The following ZNF385D variants were observed in gnomAD, a reference collection of about 807,000 sequenced individuals.
ZNF385D encodes zinc finger protein 659.
In ZNF385D, 15 loss-of-function variants were observed where a neutral mutation model predicts 35.8. The observed-to-expected ratio is 0.42, with a 90% confidence interval of 0.28 to 0.64. ZNF385D has a LOEUF of 0.64. Ranked by LOEUF, ZNF385D falls within the 30% of genes least tolerant of loss-of-function variation. The pLI is 0.23. For missense variants in ZNF385D, 474 were observed against 494.6 expected, an observed-to-expected ratio of 0.96 and a Z score of 0.39; for synonymous variants, 212 against 186.8, an observed-to-expected ratio of 1.13 and a Z score of -1.10.
intron 1 of ZNF385D, among the ~76,000 whole-genome samples, chr3:21,705,980 A>C (rs1303719490): frequency 2.0e-5 from 3 of 152,188 alleles, no homozygotes; most frequent in Non-Finnish European, 4.4e-5. Flanking sequence ...TGACTCGATC[A>C]ATGATGGCAA....
At chr3:22,318,912 T>A (rs1223429153) in intron 2 of ZNF385D, among the ~76,000 whole-genome samples, 1 of 152,196 alleles carries the variant, frequency 6.6e-6, no homozygotes, top group Admixed American at 6.5e-5. Flanking sequence ...ATAAGAAATA[T>A]TCATAGGTTA....
At chr3:21,857,353 G>C (rs922764851) in intron 3 of ZNF385D, among the ~76,000 whole-genome samples, 1 of 152,100 alleles carries the variant, frequency 6.6e-6, no homozygotes, top group African/African-American at 2.4e-5. Context: ...CTCAGGCCTA[G>C]AACAGTGCCT....
intron 2 of ZNF385D, among the ~76,000 whole-genome samples, chr3:22,259,941 C>G (rs999509512): frequency 2.6e-5 from 4 of 151,834 alleles, no homozygotes; most frequent in Admixed American, 6.6e-5. Context: ...TTTCAATAAC[C>G]TCAAAATGTA....
At chr3:21,928,700 G>T (rs1226345956) in intron 3 of ZNF385D, among the ~76,000 whole-genome samples, 1 of 152,102 alleles carries the variant, frequency 6.6e-6, no homozygotes, top group African/African-American at 2.4e-5. Flanking sequence ...ATAAAGAAAC[G>T]TTATAACAGT....
chr3:21,437,670 A>G (rs185325502), intron 4 of ZNF385D, among the ~76,000 whole-genome samples: 1 of 128,178 alleles, frequency 7.8e-6, no homozygotes, highest in African/African-American at 2.9e-5. Context: ...TAATTAAAAA[A>G]CAGGTACAGA....
chr3:22,275,186 T>G (rs987872807), intron 2 of ZNF385D, among the ~76,000 whole-genome samples: 1 of 152,116 alleles, frequency 6.6e-6, no homozygotes, highest in African/African-American at 2.4e-5. Context: ...CTATTTTCCT[T>G]AAATGATCAC....
chr3:21,921,430 T>C (rs1372743523), intron 3 of ZNF385D, among the ~76,000 whole-genome samples: 2 of 152,140 alleles, frequency 1.3e-5, no homozygotes, highest in African/African-American at 2.4e-5. Context: ...TTCGTGCACC[T>C]ATGACAAGAT....
intron 2 of ZNF385D, among the ~76,000 whole-genome samples, chr3:22,191,445 C>A (rs1040812004): frequency 2.0e-5 from 3 of 150,388 alleles, no homozygotes; most frequent in Non-Finnish European, 4.4e-5. Context: ...CGAGATAGTA[C>A]CATTGCACTC....
At chr3:21,753,352 AC>A (rs1168070916), upstream of ZNF385D, among the ~76,000 whole-genome samples, 1 of 152,156 alleles carries the variant, frequency 6.6e-6, no homozygotes, top group African/African-American at 2.4e-5. Context: ...GGTAAAAGTC[AC>A]CCCCAATAAA....
At chr3:22,332,816 C>A (rs541020177) in intron 2 of ZNF385D, among the ~76,000 whole-genome samples, 1 of 151,858 alleles carries the variant, frequency 6.6e-6, no homozygotes, top group South Asian at 2.1e-4. Flanking sequence ...GGAAATAAAC[C>A]AGCCTATGAG....
At chr3:22,352,749 G>A (rs949233755) in intron 2 of ZNF385D, among the ~76,000 whole-genome samples, 2 of 152,036 alleles carry the variant, frequency 1.3e-5, no homozygotes, top group Non-Finnish European at 2.9e-5. Flanking sequence ...TAAAAATTTG[G>A]AGGCATACAT....
intron 2 of ZNF385D, among the ~76,000 whole-genome samples, chr3:22,252,278 A>G (rs1044489858): frequency 2.0e-5 from 3 of 152,014 alleles, no homozygotes; most frequent in South Asian, 4.1e-4. Flanking sequence ...TGGTCATTAG[A>G]TTTTATACCA....
At chr3:22,251,660 G>A (rs559272457) in intron 2 of ZNF385D, among the ~76,000 whole-genome samples, 67 of 152,120 alleles carry the variant, frequency 4.4e-4, no homozygotes, top group African/African-American at 1.5e-3. Flanking sequence ...GAACCAAAAT[G>A]TCTCCAACAT....
At chr3:21,828,743 A>G (rs567536976) in intron 3 of ZNF385D, among the ~76,000 whole-genome samples, 1 of 152,372 alleles carries the variant, frequency 6.6e-6, no homozygotes, top group African/African-American at 2.4e-5. Flanking sequence ...TCTGAGAGTC[A>G]GAAGTCTGAA....
At chr3:21,803,903 G>A (rs1298098790) in intron 3 of ZNF385D, among the ~76,000 whole-genome samples, 2 of 152,186 alleles carry the variant, frequency 1.3e-5, no homozygotes, top group African/African-American at 4.8e-5. Flanking sequence ...TGCATTCAAT[G>A]TCTGTGGCGC....
At chr3:21,798,487 T>A (rs537268182) in intron 3 of ZNF385D, among the ~76,000 whole-genome samples, 2 of 152,206 alleles carry the variant, frequency 1.3e-5, no homozygotes, top group Non-Finnish European at 2.9e-5. Context: ...GCATGGAAGC[T>A]TGCTTCTTCA....
rs569786019 is a variant in ZNF385D at position 21,781,066 on chromosome 3, T to TC, written c.326-116039dup. On this transcript the variant is annotated intron_variant, in intron 3 of 5. Coordinates refer to the ZNF385D transcript ENST00000494108. ...TTTCAAGGCAATAATTTTAGTGGAT[T>TC]CCCCCAGGCTGAGATGGAGAAGCTA... Among the ~76,000 whole-genome samples the TC allele has an allele frequency of 6.6e-5, 10 of 152,042 alleles. No individual in the cohort carries two copies. In the South Asian group the frequency reaches 1.9e-3, roughly 28 times the overall value.
chr3:21,455,390 A>G (rs1702735388), intron 4 of ZNF385D, among the ~76,000 whole-genome samples: 2 of 152,236 alleles, frequency 1.3e-5, no homozygotes, highest in Non-Finnish European at 2.9e-5. Flanking sequence ...AAACAGAGAC[A>G]TAGACCAATG....
chr3:21,568,065 A>G (rs1021155076), intron 2 of ZNF385D, among the ~76,000 whole-genome samples: 4 of 152,158 alleles, frequency 2.6e-5, no homozygotes, highest in African/African-American at 9.7e-5. Context: ...TTAAAAAAAA[A>G]CTTAACTGAA....
Sources: allele counts gnomAD v4.1 joint callset (sites outside exome capture counted in the v4.1 genomes callset), GRCh38; gene constraint gnomAD v4.1.1; transcripts MANE v1.5; gene names NCBI Gene and HGNC (gene_info 2026-07-23, HGNC 2026-07-21).